DSG1: variants seen among roughly 807,000 people sequenced by gnomAD.
The protein encoded by DSG1 is desmoglein 1, also known as desmoglein-1.
DSG1 carries 39 observed loss-of-function variants against 97.5 expected under a neutral mutation model. The ratio of observed to expected loss-of-function variants is 0.40; its 90% confidence interval spans 0.31 to 0.52. DSG1 has a LOEUF of 0.52. Ranked by LOEUF, DSG1 falls within the 20% of genes least tolerant of loss-of-function variation. The pLI is 0.53. For synonymous variants in DSG1, 475 were observed against 443.4 expected, an observed-to-expected ratio of 1.07 and a Z score of -0.90; for missense variants, 1,311 against 1,295.4, an observed-to-expected ratio of 1.01 and a Z score of -0.18.
At chr18:31,335,283 C>T (rs906902955) in intron 8 of DSG1, among the ~76,000 whole-genome samples, 18 of 152,180 alleles carry the variant, frequency 1.2e-4, no homozygotes, top group Admixed American at 6.5e-4. Context: ...GTAAGTAGTG[C>T]AGCCAACATT....
chr18:31,343,814 T>C, intron 12 of DSG1, 112 bp from the exon 13 acceptor site: 1 of 1,158,770 alleles, frequency 8.6e-7, no homozygotes, highest in Non-Finnish European at 1.3e-6. Flanking sequence ...TCCTAAATAG[T>C]ATTTTTTTTT....
chr18:31,343,805 C>T, intron 12 of DSG1, 121 bp from the exon 13 acceptor site: 1 of 1,154,062 alleles, frequency 8.7e-7, no homozygotes, highest in Non-Finnish European at 1.3e-6. Flanking sequence ...TTCAGAATTT[C>T]CTAAATAGTA....
At chr18:31,351,715 A>G (rs1172392572) in intron 14 of DSG1, among the ~76,000 whole-genome samples, 17 of 150,238 alleles carry the variant, frequency 1.1e-4, no homozygotes, top group African/African-American at 4.1e-4. Context: ...TCCCTTTACC[A>G]TTATGTAATG....
chr18:31,333,276 T>G (rs1257673542), intron 6 of DSG1, among the ~76,000 whole-genome samples: 1 of 152,218 alleles, frequency 6.6e-6, no homozygotes, highest in African/African-American at 2.4e-5. Context: ...CCATAAATTT[T>G]TGGTAAACTT....
chr18:31,342,593 T>C (rs1342219129), intron 11 of DSG1, among the ~76,000 whole-genome samples: 1 of 152,184 alleles, frequency 6.6e-6, no homozygotes, highest in Non-Finnish European at 1.5e-5. Flanking sequence ...AAAACTCCAC[T>C]TAACAGCAAA....
At position 31,355,290 on chromosome 18, in the gene DSG1, C is replaced by T. The variant is rs752991762; in HGVS notation, c.3094C>T (p.Pro1032Ser). The T allele has an allele frequency of 1.2e-6, 2 of 1,614,146 alleles. No homozygotes were observed. Among genetic ancestry groups the T allele is most frequent in the Non-Finnish European group, 8.5e-7 (1 of 1,179,990 alleles). ...HFNQTIGSAS[P>S]STARSRITKY... is the part of the protein sequence containing the mutation. ...TAACCAAACCATTGGGTCCGCCTCCCCTAGCACAGCTCGAAGTCGAATCAC... is the reference window on the plus strand; with the variant it reads ...TAACCAAACCATTGGGTCCGCCTCCTCTAGCACAGCTCGAAGTCGAATCAC... Residue 1032 changes from proline to serine, a missense_variant, in exon 15 of 15, where the codon CCT (proline) becomes TCT (serine). Physicochemically the swap from Pro to Ser is moderately conservative, Grantham distance 74. Around this residue, in one of 3 missense-constraint regions of DSG1, gnomAD observed 1,038 missense variants for 964.6 expected, o/e 1.08. Transcript: ENST00000257192.
At chr18:31,328,522 T>C (rs955926709) in intron 4 of DSG1, among the ~76,000 whole-genome samples, 178 bp downstream of exon 4, 2 of 152,170 alleles carry the variant, frequency 1.3e-5, no homozygotes, top group Non-Finnish European at 2.9e-5. Context: ...GAGAAGGAAA[T>C]GTTTCACTTA....
In DSG1 at chr18:31,331,844, A is replaced by C. The variant is rs756150763; in HGVS notation, c.661A>C (p.Met221Leu). 1 of 1,612,544 alleles carries C rather than the reference A, an allele frequency of 6.2e-7. No homozygotes were observed. Among genetic ancestry groups the C allele is most frequent in the Non-Finnish European group, 8.5e-7 (1 of 1,178,946 alleles). Residue 221 changes from methionine (M) to leucine (L), a missense_variant, in exon 6 of 15, where the codon ATG (methionine) becomes CTG (leucine). Transcript: ENST00000257192. The part of the protein sequence containing the change: ...INRNTGEIRT[M>L]NNFLDREQYG... ...CAGAAATACTGGAGAAATTCGAACGATGAATAATTTTCTAGACAGAGAGGT... is the reference window on the plus strand; with the variant it reads ...CAGAAATACTGGAGAAATTCGAACGCTGAATAATTTTCTAGACAGAGAGGT...
In DSG1 at chr18:31,334,149, T is replaced by C; in HGVS notation, c.952T>C (p.Phe318Leu). 6.2e-7 allele frequency: 1 copy of C among 1,609,570 alleles called. No individual in the cohort carries two copies. Among genetic ancestry groups the C allele is most frequent in the Non-Finnish European group, 8.5e-7 (1 of 1,176,176 alleles). Reference protein sequence around the residue: ...FFISGNEGNWFEIEMNERTNV... With the variant: ...FFISGNEGNWLEIEMNERTNV... The stretch of plus-strand genomic sequence containing the variant: ...TATCTCTGGAAATGAAGGAAATTGG[T>C]TTGAGATAGAAATGAATGAAAGAAC... The change falls in exon 8 of 15, where the codon TTT (phenylalanine) becomes CTT (leucine). Residue 318 changes from phenylalanine (F) to leucine (L), a missense_variant. Coordinates refer to ENST00000257192, the MANE Select transcript of DSG1 (RefSeq NM_001942.4).
intron 1 of DSG1, among the ~76,000 whole-genome samples, chr18:31,326,257 TATATC>T (rs1360018129): frequency 6.6e-6 from 1 of 152,014 alleles, no homozygotes. Flanking sequence ...ATAATTTTCT[TATATC>T]AGTTATACAA....
chr18:31,354,964 C>G lies in DSG1; in HGVS notation c.2768C>G (p.Thr923Arg), dbSNP rs148488583. The change falls in exon 15 of 15, where the codon ACA becomes AGA. Residue 923 changes from threonine to arginine, a missense_variant. Thr to Arg is a moderately conservative substitution (Grantham distance 71). Around this residue, in one of 3 missense-constraint regions of DSG1, gnomAD observed 1,038 missense variants for 964.6 expected, o/e 1.08. Transcript: ENST00000257192. ...AGAGAGTCTTCAAATGTGGTAGTGA[C>G]AGAAAGAGTAATCCAACCAACTTCC... The part of the protein sequence containing the change: ...HPRESSNVVV[T>R]ERVIQPTSGM... The G allele has an allele frequency of 4.2e-5, 68 of 1,614,206 alleles. No homozygotes were observed. The East Asian group carries it at 1.5e-3, about 36-fold the overall frequency.
chr18:31,326,501 G>A, intron 1 of DSG1, 80 bp from the exon 2 acceptor site: 1 of 1,131,252 alleles, frequency 8.8e-7, no homozygotes, highest in East Asian at 2.5e-5. Context: ...GTTTCATGTT[G>A]TTTTTAAAGT....
chr18:31,355,166 C>T lies in DSG1; in HGVS notation c.2970C>T (p.Ala990=), dbSNP rs763743708. Residue 990 remains alanine, a synonymous_variant, in exon 15 of 15, where the codon GCC becomes GCT. Transcript: ENST00000257192. ...CCAGCATGGGTGCTGGGAGCGGTGCCCTGAGTGGAGCTGGCATAAGTGGTG... is the reference window on the plus strand; with the variant it reads ...CCAGCATGGGTGCTGGGAGCGGTGCTCTGAGTGGAGCTGGCATAAGTGGTG... ...VGTSMGAGSG[A]LSGAGISGGG... is the part of the protein sequence containing the mutation. 41 of 1,606,400 alleles carry T rather than the reference C, an allele frequency of 2.6e-5. No homozygotes were observed. In the Admixed American group the frequency reaches 6.2e-4, roughly 24 times the overall value.
chr18:31,352,435 A>G (rs1361923742), intron 14 of DSG1, among the ~76,000 whole-genome samples: 1 of 150,644 alleles, frequency 6.6e-6, no homozygotes, highest in Non-Finnish European at 1.5e-5. Context: ...GGTGAATCTG[A>G]CAATTATGTG....
Position 31,354,779 on chromosome 18 carries a change from C to A in DSG1, c.2583C>A (p.Asn861Lys). Residue 861 changes from asparagine to lysine, a missense_variant, in exon 15 of 15, where the codon AAC becomes AAA. By Grantham distance (94) the Asn-to-Lys change is moderately conservative. Transcript: ENST00000257192. ...VHVHDNRPAS[N>K]VVVTERVVGP... Reference sequence around the variant, plus strand: ...TTCACGATAACCGACCAGCATCAAACGTGGTAGTGACAGAGAGAGTGGTCG... The same window carrying A: ...TTCACGATAACCGACCAGCATCAAAAGTGGTAGTGACAGAGAGAGTGGTCG... 2 of 1,614,128 alleles carry A rather than the reference C, an allele frequency of 1.2e-6. No individual in the cohort carries two copies. Among genetic ancestry groups the A allele is most frequent in the Non-Finnish European group, 1.7e-6 (2 of 1,180,026 alleles).
Position 31,354,864 on chromosome 18 carries a change from T to C in DSG1, c.2668T>C (p.Ser890Pro). 6.2e-7 allele frequency: 1 copy of C among 1,614,000 alleles called. No homozygotes were observed. The highest frequency in any genetic ancestry group is 8.5e-7 in the Non-Finnish European group (1 of 1,179,992). ...AGAGATGCCTGACTTGCGAGATGGG[T>C]CGAATGTTATAGTGACAGAAAGGGT... ...MLEMPDLRDG[S>P]NVIVTERVIA... Residue 890 changes from serine (S) to proline (P), a missense_variant, in exon 15 of 15, where the codon TCG (serine) becomes CCG (proline). Physicochemically the swap from Ser to Pro is moderately conservative, Grantham distance 74. Transcript: ENST00000257192.
At chr18:31,348,373 G>A (rs1435491055) in intron 14 of DSG1, among the ~76,000 whole-genome samples, 2 of 151,936 alleles carry the variant, frequency 1.3e-5, no homozygotes, top group Non-Finnish European at 2.9e-5. Context: ...TACCATAGAT[G>A]GACATTTGGG....
intron 3 of DSG1, 38 bp downstream of exon 3, chr18:31,327,043 A>G: frequency 1.2e-6 from 2 of 1,612,604 alleles, no homozygotes; most frequent in Non-Finnish European, 1.7e-6. Flanking sequence ...TGAAAATCAG[A>G]ATGGATAAAG....
rs2071959992 is a variant in DSG1 at position 31,356,486 on chromosome 18, A to C, written c.*1140A>C. ...GAACATGTAAAATGTTTAATGGTGA[A>C]AGTTGGAAAAGAATTCTTCTGTAAA... On this transcript the variant is annotated 3_prime_UTR_variant, in exon 15 of 15. Transcript: ENST00000257192. 1 of 152,152 alleles carries C rather than the reference A, an allele frequency of 6.6e-6. No homozygotes were observed. Among genetic ancestry groups the C allele is most frequent in the African/African-American group, 2.4e-5 (1 of 41,442 alleles). The allele number at this position is 152,152 out of a possible 1,614,324, so 9.4% of individuals were successfully genotyped here. A position where few individuals can be genotyped will look rare whatever the true frequency, so the allele number is the denominator to read the frequency against.
Sources: gnomAD v4.1 joint callset for allele counts (sites outside exome capture counted in the v4.1 genomes callset) on GRCh38, gnomAD v4.1.1 for gene constraint, gnomAD v4.1.1 regional missense constraint, MANE v1.5 for transcripts, NCBI Gene and HGNC (gene_info 2026-07-23, HGNC 2026-07-21) for gene names.